TSNAX: variants seen among roughly 807,000 people sequenced by gnomAD.
The protein encoded by TSNAX is translin-associated protein X.
Under a neutral mutation model 33.0 loss-of-function variants are expected in TSNAX, and 12 were observed. The observed-to-expected ratio is 0.36, with a 90% CI of 0.23 to 0.59. TSNAX has a LOEUF of 0.59. Among genes scored for constraint, TSNAX ranks in the 20% least tolerant of loss-of-function variants. The probability of loss-of-function intolerance (pLI) is 0.74; values close to 1 mark genes in which losing one functional copy is unlikely to be tolerated. For missense variants in TSNAX, 267 were observed against 341.3 expected (o/e 0.78, Z 1.72); for synonymous variants, 110 against 117.2 (o/e 0.94, Z 0.40).
At chr1:231,560,991 G>T (rs1390535447) in intron 4 of TSNAX, 137 bp from the exon 5 acceptor site, 2 of 799,336 alleles carry the variant, frequency 2.5e-6, no homozygotes, top group African/African-American at 3.6e-5. Flanking sequence ...TAAGTGTCTA[G>T]TCTAGTACTG....
At chr1:231,547,011 C>T (rs550950564) in intron 4 of TSNAX, among the ~76,000 whole-genome samples, 3 of 152,242 alleles carry the variant, frequency 2.0e-5, no homozygotes, top group Non-Finnish European at 4.4e-5. Context: ...GGTCTCTGTG[C>T]GTGCCAAGGA....
intron 5 of TSNAX, among the ~76,000 whole-genome samples, chr1:231,562,679 T>C (rs776980463): frequency 1.4e-4 from 21 of 152,152 alleles, no homozygotes; most frequent in Non-Finnish European, 7.4e-5. Context: ...TTTAAGATTA[T>C]GGGGCTATAA....
intron 2 of TSNAX, among the ~76,000 whole-genome samples, chr1:231,532,868 T>C (rs963550946): frequency 2.0e-5 from 3 of 152,230 alleles, no homozygotes; most frequent in African/African-American, 4.8e-5. Context: ...ATAAACTGAA[T>C]AATTATTGCT....
Position 231,539,057 on chromosome 1 carries a change from A to T in TSNAX, c.236+1730A>T, listed in dbSNP as rs1659382810. Among the ~76,000 whole-genome samples the T allele has an allele frequency of 2.0e-5, 3 of 152,258 alleles. No homozygotes were observed. In the South Asian group the frequency reaches 6.2e-4, roughly 32 times the overall value. ...AATTTGCCATACATAGATTTATTGAAATATGGCACTGTTAACATTTTCTTT... is the reference window on the plus strand; with the variant it reads ...AATTTGCCATACATAGATTTATTGATATATGGCACTGTTAACATTTTCTTT... On this transcript the variant is annotated intron_variant, in intron 3 of 5. Coordinates refer to ENST00000366639, the MANE Select transcript of TSNAX (RefSeq NM_005999.3).
At position 231,537,196 on chromosome 1, in the gene TSNAX, T is replaced by A; in HGVS notation, c.122-17T>A. 4 of 1,557,216 alleles carry A rather than the reference T, an allele frequency of 2.6e-6. No individual in the cohort carries two copies. The highest frequency in any genetic ancestry group is 3.5e-6 in the Non-Finnish European group (4 of 1,133,626). On this transcript the variant is annotated splice_polypyrimidine_tract_variant and intron_variant, in intron 2 of 5. Coordinates refer to ENST00000366639, the MANE Select transcript of TSNAX (RefSeq NM_005999.3). The stretch of plus-strand genomic sequence containing the variant: ...GAGTATAGAATATACATGCTTATGA[T>A]CATAATGTGTTTTTAGCATTTCAGC...
Position 231,561,191 on chromosome 1 carries a change from G to C in TSNAX, c.431G>C (p.Ser144Thr). The C allele has an allele frequency of 2.5e-6, 4 of 1,600,294 alleles. No individual in the cohort carries two copies. The highest frequency in any genetic ancestry group is 3.4e-6 in the Non-Finnish European group (4 of 1,169,008). The change falls in exon 5 of 6, where the codon AGT (serine) becomes ACT (threonine). Residue 144 changes from serine to threonine, a missense_variant. Around this residue, in one of 2 missense-constraint regions of TSNAX, gnomAD observed 200 missense variants for 214.1 expected, o/e 0.93. Transcript: ENST00000366639. The part of the protein sequence containing the change: ...QHFIKTRSLI[S>T]MDEINKQLIF... ...TTCATCAAAACACGATCATTAATTA[G>C]TATGGATGAAATTAATAAACAATTG...
intron 4 of TSNAX, among the ~76,000 whole-genome samples, chr1:231,550,379 C>A (rs191942783): frequency 2.0e-5 from 3 of 152,240 alleles, no homozygotes; most frequent in East Asian, 1.9e-4. Flanking sequence ...CTTTTGTAAA[C>A]CCCCAAAAAG....
At position 231,552,010 on chromosome 1, in the gene TSNAX, C is replaced by T. The variant is rs574847399; in HGVS notation, c.368-9118C>T. Among the ~76,000 whole-genome samples, 12 of 151,856 alleles carry T rather than the reference C, an allele frequency of 7.9e-5. No homozygotes were observed. The South Asian group carries it at 2.5e-3, about 32-fold the overall frequency. Reference sequence around the variant, plus strand: ...ATGTCTCTTTTTAAAAAAAGAAAGACCCATTCCAGGCGCGGTGGCTTACGC... The same window carrying T: ...ATGTCTCTTTTTAAAAAAAGAAAGATCCATTCCAGGCGCGGTGGCTTACGC... On this transcript the variant is annotated intron_variant, in intron 4 of 5. Coordinates refer to ENST00000366639, the MANE Select transcript of TSNAX (RefSeq NM_005999.3).
Position 231,561,122 on chromosome 1 carries a change from T to A in TSNAX, c.368-6T>A. 6.2e-7 allele frequency: 1 copy of A among 1,605,130 alleles called. No homozygotes were observed. Among genetic ancestry groups the A allele is most frequent in the Non-Finnish European group, 8.5e-7 (1 of 1,177,932 alleles). The stretch of plus-strand genomic sequence containing the variant: ...TTCTTAGTAATTTTCTTTGTCACGC[T>A]TTCAGGACTACAGGAATATGTGGAA... On this transcript the variant is annotated splice_polypyrimidine_tract_variant and splice_region_variant and intron_variant, in intron 4 of 5. Coordinates refer to ENST00000366639, the MANE Select transcript of TSNAX (RefSeq NM_005999.3).
chr1:231,541,707 T>A (rs979334660), intron 3 of TSNAX, among the ~76,000 whole-genome samples: 2 of 152,212 alleles, frequency 1.3e-5, no homozygotes, highest in African/African-American at 2.4e-5. Context: ...TTAATATTTT[T>A]TGTAGTGTCA....
At chr1:231,531,197 G>T (rs958902864) in intron 2 of TSNAX, among the ~76,000 whole-genome samples, 2 of 152,036 alleles carry the variant, frequency 1.3e-5, no homozygotes, top group African/African-American at 4.8e-5. Context: ...AGCTCAAGCA[G>T]TCTGCCCGTC....
rs751108197 is a variant in TSNAX, at chr1:231,542,571, A to G, written c.327A>G (p.Ser109=). 18 of 1,613,936 alleles carry G rather than the reference A, an allele frequency of 1.1e-5. No homozygotes were observed. The highest frequency in any genetic ancestry group is 1.7e-5 in the Admixed American group (1 of 60,004). Residue 109 remains serine (S), a synonymous_variant, in exon 4 of 6, where the codon TCA becomes TCG. Coordinates refer to ENST00000366639, the MANE Select transcript of TSNAX (RefSeq NM_005999.3). The part of the protein sequence containing the change: ...QKIFQVAQEL[S]GEDMHQFHRA... ...TATTCCAGGTAGCCCAAGAGCTATC[A>G]GGGGAAGATATGCATCAGTTCCATC...
intron 4 of TSNAX, 53 bp from the exon 5 acceptor site, chr1:231,561,075 A>C: frequency 6.4e-7 from 1 of 1,565,248 alleles, no homozygotes; most frequent in Non-Finnish European, 8.6e-7. Context: ...TTATTATGAC[A>C]TTCTTACTAA....
At chr1:231,531,184 C>T (rs1311681243) in intron 2 of TSNAX, among the ~76,000 whole-genome samples, 1 of 152,106 alleles carries the variant, frequency 6.6e-6, no homozygotes, top group African/African-American at 2.4e-5. Context: ...GTCTTGATCT[C>T]CGAGCTCAAG....
chr1:231,550,905 C>G (rs920990683), intron 4 of TSNAX, among the ~76,000 whole-genome samples: 2 of 152,024 alleles, frequency 1.3e-5, no homozygotes, highest in Admixed American at 6.5e-5. Flanking sequence ...CAAATCATGG[C>G]TCAGACAAGG....
chr1:231,543,152 TGGGCGTCAGCA>T, intron 4 of TSNAX, among the ~76,000 whole-genome samples: 1 of 151,124 alleles, frequency 6.6e-6, no homozygotes, highest in East Asian at 1.9e-4. Flanking sequence ...CACTCCAGCC[TGGGCGTCAGCA>T]CAAGACTCCG....
intron 2 of TSNAX, among the ~76,000 whole-genome samples, chr1:231,532,805 T>G (rs1658853856): frequency 6.6e-6 from 1 of 152,172 alleles, no homozygotes. Context: ...TAGTTGAGCC[T>G]TTTTGATTTC....
Position 231,542,505 on chromosome 1 carries a change from G to A in TSNAX, c.261G>A (p.Leu87=). The stretch of plus-strand genomic sequence containing the variant: ...GTGCTCCTGATATGGAAGATATATT[G>A]ACTGAATCAGAAATTAAATTGGATG... ...ITSAPDMEDI[L]TESEIKLDGV... The change falls in exon 4 of 6, where the codon TTG becomes TTA. Residue 87 remains leucine (L), a synonymous_variant. Coordinates refer to ENST00000366639, the MANE Select transcript of TSNAX (RefSeq NM_005999.3). 1.2e-6 allele frequency: 2 copies of A among 1,613,868 alleles called. No individual in the cohort carries two copies. The highest frequency in any genetic ancestry group is 1.1e-5 in the South Asian group (1 of 91,038).
chr1:231,540,955 A>G (rs1659535812), intron 3 of TSNAX, among the ~76,000 whole-genome samples: 1 of 152,200 alleles, frequency 6.6e-6, no homozygotes, highest in Non-Finnish European at 1.5e-5. Context: ...ATTAGAACGT[A>G]TATCTTTTCA....
Sources: allele counts gnomAD v4.1 joint callset (sites outside exome capture counted in the v4.1 genomes callset), GRCh38; gene constraint gnomAD v4.1.1; regional missense constraint gnomAD v4.1.1; transcripts MANE v1.5; gene names NCBI Gene and HGNC (gene_info 2026-07-23, HGNC 2026-07-21).